DTNB: variants seen among roughly 807,000 people sequenced by gnomAD.
DTNB encodes the protein DTN-B.
DTNB carries 63 observed loss-of-function variants against 90.7 expected under a neutral mutation model. That is an observed-to-expected ratio of 0.69 (90% CI 0.57 to 0.86). The LOEUF (loss-of-function observed/expected upper bound fraction) is 0.86. DTNB is among the 40% of genes least tolerant of loss of function. The pLI is 0.00. For missense variants in DTNB, 744 were observed against 807.1 expected, an observed-to-expected ratio of 0.92 and a Z score of 0.95; for synonymous variants, 277 against 286.7, an observed-to-expected ratio of 0.97 and a Z score of 0.34.
intron 1 of DTNB, among the ~76,000 whole-genome samples, chr2:25,653,357 C>A (rs753868989): frequency 4.6e-5 from 7 of 150,546 alleles, no homozygotes; most frequent in Non-Finnish European, 1.0e-4. Flanking sequence ...GTAAAAAGTG[C>A]CTTTCACCTC....
intron 4 of DTNB, among the ~76,000 whole-genome samples, chr2:25,616,022 A>G (rs193239378): frequency 9.2e-5 from 14 of 152,360 alleles, no homozygotes; most frequent in African/African-American, 3.4e-4. Context: ...GCAGTGATAA[A>G]TCAAAGGACA....
intron 8 of DTNB, 33 bp downstream of exon 8, chr2:25,576,805 C>A: frequency 6.3e-7 from 1 of 1,589,432 alleles, no homozygotes; most frequent in Non-Finnish European, 8.6e-7. Flanking sequence ...CAGATTAACA[C>A]TCAGGGACAC....
chr2:25,467,282 C>T (rs937066496), intron 10 of DTNB, among the ~76,000 whole-genome samples: 152 of 145,294 alleles, frequency 1.0e-3, no homozygotes, highest in Non-Finnish European at 1.8e-3. Flanking sequence ...TTGATGTAAT[C>T]TTTGTTTTCT....
chr2:25,585,268 T>C (rs189982282), intron 6 of DTNB, among the ~76,000 whole-genome samples: 4 of 152,324 alleles, frequency 2.6e-5, no homozygotes, highest in Non-Finnish European at 4.4e-5. Context: ...TTTTTTCACT[T>C]AACGTTCTAT....
chr2:25,665,142 T>C (rs1464313481), intron 1 of DTNB, among the ~76,000 whole-genome samples: 2 of 152,222 alleles, frequency 1.3e-5, no homozygotes, highest in African/African-American at 4.8e-5. Context: ...GCTTTGGAAG[T>C]GTCTCCAGGA....
intron 8 of DTNB, among the ~76,000 whole-genome samples, chr2:25,554,379 T>G (rs1177085523): frequency 6.6e-6 from 1 of 152,198 alleles, no homozygotes; most frequent in East Asian, 1.9e-4. Flanking sequence ...AGTCTCATTT[T>G]TTTTTTCAAA....
intron 2 of DTNB, among the ~76,000 whole-genome samples, chr2:25,652,216 C>T (rs1216679745): frequency 6.6e-6 from 1 of 152,188 alleles, no homozygotes; most frequent in Non-Finnish European, 1.5e-5. Flanking sequence ...ACTGAGTCCT[C>T]TCTGTCTCAG....
At chr2:25,568,776 C>T (rs191370226) in intron 8 of DTNB, among the ~76,000 whole-genome samples, 1 of 152,328 alleles carries the variant, frequency 6.6e-6, no homozygotes. Context: ...GGCACCTTTG[C>T]AATGTGACCC....
In DTNB at chr2:25,673,455, C is replaced by G. The variant is rs1396671257; in HGVS notation, c.-71G>C. ...CTGCGGCCTCACTCCTCCGCACGCTCCGGCCCAGCCCCCTCGGCTGAGGCA... is the reference window on the plus strand; with the variant it reads ...CTGCGGCCTCACTCCTCCGCACGCTGCGGCCCAGCCCCCTCGGCTGAGGCA... On this transcript the variant is annotated 5_prime_UTR_variant, in exon 1 of 21. Coordinates refer to ENST00000406818, the MANE Select transcript of DTNB (RefSeq NM_021907.5). The G allele has an allele frequency of 6.6e-6, 1 of 151,106 alleles. No homozygotes were observed. Among genetic ancestry groups the G allele is most frequent in the African/African-American group, 2.4e-5 (1 of 41,338 alleles). 9.4% of individuals were successfully genotyped at this position (151,106 alleles called of 1,614,324 possible).
At chr2:25,619,932 C>T (rs1026117858) in intron 4 of DTNB, among the ~76,000 whole-genome samples, 2 of 152,030 alleles carry the variant, frequency 1.3e-5, no homozygotes, top group South Asian at 2.1e-4. Context: ...CCCAGCTACT[C>T]AGGAGGCTGA....
chr2:25,526,395 A>ATATATATATTTTTT, intron 9 of DTNB, among the ~76,000 whole-genome samples: 14 of 49,828 alleles, frequency 2.8e-4, no homozygotes, highest in East Asian at 7.6e-4. Context: ...ATATATATAT[A>ATATATATATTTTTT]TTTTTTTTTT....
At chr2:25,421,350 T>C (rs1202006894) in intron 15 of DTNB, 2 of 151,748 alleles carry the variant, frequency 1.3e-5, no homozygotes, top group African/African-American at 4.9e-5. Context: ...CTCTTCACAA[T>C]CAAAGCCAGA....
At chr2:25,642,083 G>A (rs2078450874) in intron 2 of DTNB, among the ~76,000 whole-genome samples, 1 of 152,138 alleles carries the variant, frequency 6.6e-6, no homozygotes. Context: ...GCCTCCCAAA[G>A]TGCTGGGATT....
intron 12 of DTNB, among the ~76,000 whole-genome samples, chr2:25,439,567 T>A (rs1441373183): frequency 6.6e-6 from 1 of 152,160 alleles, no homozygotes; most frequent in East Asian, 1.9e-4. Context: ...TTGAAATTTT[T>A]CTGTAAATCT....
intron 9 of DTNB, among the ~76,000 whole-genome samples, chr2:25,527,017 T>C (rs1575410427): frequency 6.6e-6 from 1 of 152,122 alleles, no homozygotes; most frequent in Non-Finnish European, 1.5e-5. Flanking sequence ...CTCTATATGT[T>C]TGGAAATTAA....
At position 25,503,443 on chromosome 2, in the gene DTNB, T is replaced by G. The variant is rs562854577; in HGVS notation, c.1002-20570A>C. 2.4e-4 allele frequency among the ~76,000 whole-genome samples: 36 copies of G among 151,990 alleles called. No individual in the cohort carries two copies. In the South Asian group the frequency reaches 7.3e-3, roughly 31 times the overall value. ...AGGAGTTCAATGCTGCAGTGAGTTA[T>G]GATTGTGTCACTGCACTCCAGCCAA... On this transcript the variant is annotated intron_variant, in intron 9 of 20. Transcript: ENST00000406818.
At chr2:25,398,374 C>T (rs1343449726) in intron 16 of DTNB, among the ~76,000 whole-genome samples, 2 of 152,220 alleles carry the variant, frequency 1.3e-5, no homozygotes, top group African/African-American at 4.8e-5. Flanking sequence ...TCTTATGCCC[C>T]AGCCCTTGGC....
chr2:25,591,762 T>C (rs963103581), intron 6 of DTNB, among the ~76,000 whole-genome samples: 3 of 151,982 alleles, frequency 2.0e-5, no homozygotes, highest in African/African-American at 7.2e-5. Flanking sequence ...GAGAGAATAG[T>C]ATAATATGCC....
chr2:25,660,485 G>A (rs1006256388), intron 1 of DTNB, among the ~76,000 whole-genome samples: 1 of 151,958 alleles, frequency 6.6e-6, no homozygotes, highest in Non-Finnish European at 1.5e-5. Flanking sequence ...TTCTTTTTAG[G>A]GATGATGCAA....
Sources: allele counts gnomAD v4.1 joint callset (sites outside exome capture counted in the v4.1 genomes callset), GRCh38; gene constraint gnomAD v4.1.1; transcripts MANE v1.5; gene names NCBI Gene and HGNC (gene_info 2026-07-23, HGNC 2026-07-21).